The following AK5 variants were observed in gnomAD, a reference collection of about 807,000 sequenced individuals.
The protein encoded by AK5 is adenylate kinase isoenzyme 5.
AK5 carries 27 observed loss-of-function variants against 69.5 expected under a neutral mutation model. The ratio of observed to expected loss-of-function variants is 0.39; its 90% CI spans 0.29 to 0.54. The LOEUF (loss-of-function observed/expected upper bound fraction) is 0.54. Ranked by LOEUF, AK5 falls within the 20% of genes least tolerant of loss-of-function variation. The pLI is 0.71. For missense variants in AK5, 531 were observed against 700.4 expected (o/e 0.76, Z 2.73); for synonymous variants, 260 against 244.4 (o/e 1.06, Z -0.60).
At chr1:77,314,896 T>A (rs1313687605) in intron 5 of AK5, 2 of 152,120 alleles carry the variant, frequency 1.3e-5, no homozygotes, top group African/African-American at 4.8e-5. Flanking sequence ...TTTCACATAA[T>A]CATTCCAAGA....
intron 6 of AK5, among the ~76,000 whole-genome samples, chr1:77,351,153 G>C (rs1166446375): frequency 1.3e-5 from 2 of 152,300 alleles, no homozygotes; most frequent in Non-Finnish European, 2.9e-5. Flanking sequence ...CAACACTTTG[G>C]GAGGCTGAAA....
chr1:77,331,602 T>C (rs1228567856), intron 5 of AK5, among the ~76,000 whole-genome samples: 2 of 152,226 alleles, frequency 1.3e-5, no homozygotes, highest in African/African-American at 4.8e-5. Flanking sequence ...CCTTTTTATA[T>C]ATTGACAGAT....
chr1:77,444,792 G>T (rs1349583497), intron 8 of AK5, among the ~76,000 whole-genome samples: 1 of 149,524 alleles, frequency 6.7e-6, no homozygotes, highest in African/African-American at 2.5e-5. Context: ...GACCCCAGGG[G>T]TCTTGAACTC....
At chr1:77,439,339 G>A (rs549397264) in intron 8 of AK5, among the ~76,000 whole-genome samples, 4 of 152,148 alleles carry the variant, frequency 2.6e-5, no homozygotes, top group South Asian at 4.1e-4. Context: ...TTTGGTGCAC[G>A]CATACAATGT....
chr1:77,458,175 A>C (rs910871054), intron 8 of AK5, among the ~76,000 whole-genome samples: 2 of 151,780 alleles, frequency 1.3e-5, no homozygotes, highest in African/African-American at 4.8e-5. Context: ...CTCTAGGGGA[A>C]AATCCATTTC....
rs187646791 is a variant in AK5 at position 77,321,362 on chromosome 1, A to T, written c.700-19015A>T. Among the ~76,000 whole-genome samples, 517 of 152,190 alleles carry T rather than the reference A, an allele frequency of 3.4e-3. 1 individual carries two copies. Among genetic ancestry groups the T allele is most frequent in the African/African-American group, 0.012 (483 of 41,550 alleles). ...GTGCCGCCTGTAGTCCCAGCTACTC[A>T]GGAAGCTAAGGCAAGAGAATCACTT... On this transcript the variant is annotated intron_variant, in intron 5 of 13. Coordinates refer to ENST00000354567, the MANE Select transcript of AK5 (RefSeq NM_174858.3).
chr1:77,367,717 TATA>T (rs1363782954), intron 6 of AK5, among the ~76,000 whole-genome samples: 1 of 100,512 alleles, frequency 9.9e-6, no homozygotes, highest in East Asian at 2.6e-4. Context: ...ATATGTTATA[TATA>T]ATATATGTTA....
At chr1:77,327,344 T>C (rs1483152976) in intron 5 of AK5, among the ~76,000 whole-genome samples, 3 of 149,834 alleles carry the variant, frequency 2.0e-5, no homozygotes, top group Non-Finnish European at 4.4e-5. Flanking sequence ...TGAGCTATGA[T>C]TGTGCCACTG....
At chr1:77,537,608 G>A (rs1185143099) in intron 13 of AK5, among the ~76,000 whole-genome samples, 27 of 152,094 alleles carry the variant, frequency 1.8e-4, no homozygotes, top group Non-Finnish European at 2.4e-4. Context: ...CTGGAGAAGG[G>A]AGAGTGGGAT....
intron 13 of AK5, among the ~76,000 whole-genome samples, chr1:77,541,713 C>T (rs1408339870): frequency 6.6e-6 from 1 of 152,168 alleles, no homozygotes; most frequent in Admixed American, 6.5e-5. Flanking sequence ...CCTACTGCTT[C>T]ACAAACACCG....
At chr1:77,389,121 T>C (rs914619941) in intron 6 of AK5, among the ~76,000 whole-genome samples, 8 of 152,242 alleles carry the variant, frequency 5.3e-5, no homozygotes, top group African/African-American at 1.9e-4. Context: ...GAGGGGACTG[T>C]ACTGTGGGAC....
intron 2 of AK5, 31 bp downstream of exon 2, chr1:77,287,158 T>C (rs755339144): frequency 7.0e-7 from 1 of 1,421,494 alleles, no homozygotes; most frequent in Non-Finnish European, 9.3e-7. Flanking sequence ...TAGACAGTTT[T>C]ATAGTTATAG....
At chr1:77,449,034 A>G (rs1012729544) in intron 8 of AK5, among the ~76,000 whole-genome samples, 1 of 152,220 alleles carries the variant, frequency 6.6e-6, no homozygotes, top group African/African-American at 2.4e-5. Flanking sequence ...AACCTCTGCT[A>G]GGGAAGTACA....
chr1:77,390,012 G>A (rs1482636159), intron 6 of AK5, among the ~76,000 whole-genome samples: 3 of 152,130 alleles, frequency 2.0e-5, no homozygotes, highest in Non-Finnish European at 4.4e-5. Context: ...TTCATGGCAG[G>A]CAGACTTCAA....
intron 5 of AK5, among the ~76,000 whole-genome samples, chr1:77,321,248 G>A (rs546891803): frequency 8.1e-4 from 123 of 152,212 alleles, no homozygotes; most frequent in Non-Finnish European, 1.4e-3. Context: ...GAGGTGGGCG[G>A]ATCACCTGAG....
chr1:77,382,006 G>A (rs1193889021), intron 6 of AK5, among the ~76,000 whole-genome samples: 2 of 152,158 alleles, frequency 1.3e-5, no homozygotes, highest in East Asian at 3.9e-4. Flanking sequence ...ACAGGGAGAG[G>A]CTGCCCAGGT....
At chr1:77,555,454 G>GT (rs1660053353) in intron 13 of AK5, among the ~76,000 whole-genome samples, 1 of 152,086 alleles carries the variant, frequency 6.6e-6, no homozygotes, top group African/African-American at 2.4e-5. Flanking sequence ...ATAGTGTAAT[G>GT]TAGTCAACAC....
At chr1:77,494,923 A>G (rs1352641089) in intron 10 of AK5, among the ~76,000 whole-genome samples, 4 of 151,978 alleles carry the variant, frequency 2.6e-5, no homozygotes, top group Admixed American at 6.6e-5. Flanking sequence ...CTGGGACTAC[A>G]GGTGCCCGTC....
chr1:77,443,052 C>T (rs1256116529), intron 8 of AK5, among the ~76,000 whole-genome samples: 3 of 152,132 alleles, frequency 2.0e-5, no homozygotes, highest in Non-Finnish European at 4.4e-5. Context: ...TTCACACCTA[C>T]CGGGATTTAA....
Sources: gnomAD v4.1 joint callset for allele counts (sites outside exome capture counted in the v4.1 genomes callset) on GRCh38, gnomAD v4.1.1 for gene constraint, MANE v1.5 for transcripts, NCBI Gene and HGNC (gene_info 2026-07-23, HGNC 2026-07-21) for gene names.